SLC24A2: variants seen among roughly 807,000 people sequenced by gnomAD.
SLC24A2 encodes the protein solute carrier family 24 member 2.
In SLC24A2, 36 loss-of-function variants were observed where a neutral mutation model predicts 62.0. The ratio of observed to expected loss-of-function variants is 0.58; its 90% CI spans 0.44 to 0.77. The LOEUF (loss-of-function observed/expected upper bound fraction) is 0.77, where lower values mean the gene tolerates loss of function less well. Among genes scored for constraint, SLC24A2 ranks in the 30% least tolerant of loss-of-function variants. The pLI, the probability that SLC24A2 is intolerant of heterozygous loss-of-function variation, is 0.00. For missense variants in SLC24A2, 846 were observed against 817.9 expected (o/e 1.03, Z -0.42); for synonymous variants, 358 against 294.0 (o/e 1.22, Z -2.23).
chr9:20,027,620 C>A, the SLC24A2 span, among the ~76,000 whole-genome samples: 2 of 151,958 alleles, frequency 1.3e-5, no homozygotes, highest in Admixed American at 1.3e-4. Flanking sequence ...AAGTAGAGAG[C>A]AGAATGGTGG....
chr9:19,601,726 C>G (rs147728952), intron 4 of SLC24A2, among the ~76,000 whole-genome samples: 2 of 152,030 alleles, frequency 1.3e-5, no homozygotes, highest in African/African-American at 2.4e-5. Flanking sequence ...TAGTTTGGAG[C>G]CTTACAGACC....
At chr9:19,721,436 T>C (rs952692679) in intron 2 of SLC24A2, among the ~76,000 whole-genome samples, 1 of 152,108 alleles carries the variant, frequency 6.6e-6, no homozygotes, top group Non-Finnish European at 1.5e-5. Flanking sequence ...ATTTGACTGG[T>C]GCACCAACAA....
chr9:20,225,325 T>A, the SLC24A2 span, among the ~76,000 whole-genome samples: 3 of 151,506 alleles, frequency 2.0e-5, no homozygotes, highest in Admixed American at 6.6e-5. Context: ...ACAGTCTAAA[T>A]GTCTATCAGT....
intron 7 of SLC24A2, among the ~76,000 whole-genome samples, chr9:19,562,984 T>C (rs1482735799): frequency 2.0e-5 from 3 of 152,156 alleles, no homozygotes; most frequent in Non-Finnish European, 2.9e-5. Flanking sequence ...TTTGCACCTG[T>C]AGTCCTAGGT....
chr9:19,680,108 G>A (rs952850594), intron 2 of SLC24A2, among the ~76,000 whole-genome samples: 1 of 148,118 alleles, frequency 6.8e-6, no homozygotes, highest in East Asian at 2.0e-4. Context: ...CCAGCACTGG[G>A]GCTACAAAGA....
intron 2 of SLC24A2, among the ~76,000 whole-genome samples, chr9:19,658,516 A>G (rs1400661514): frequency 1.3e-5 from 2 of 152,212 alleles, no homozygotes; most frequent in South Asian, 2.1e-4. Context: ...TAAAAAGCCT[A>G]TGAGGCAGGC....
At chr9:19,878,029 A>G in the SLC24A2 span, among the ~76,000 whole-genome samples, 1 of 152,340 alleles carries the variant, frequency 6.6e-6, no homozygotes. Flanking sequence ...ACTCATGGCC[A>G]CAAAGGCAGC....
At chr9:20,120,755 G>A in the SLC24A2 span, among the ~76,000 whole-genome samples, 1 of 152,032 alleles carries the variant, frequency 6.6e-6, no homozygotes, top group African/African-American at 2.4e-5. Flanking sequence ...ATCCAAGGTT[G>A]CATAGCTTCT....
chr9:19,869,564 A>C, the SLC24A2 span, among the ~76,000 whole-genome samples: 1 of 152,114 alleles, frequency 6.6e-6, no homozygotes, highest in Admixed American at 6.5e-5. Flanking sequence ...TAAAAATTAT[A>C]ATTTCAAAGT....
At chr9:19,543,315 CTCTTT>C (rs1278382953) in intron 8 of SLC24A2, among the ~76,000 whole-genome samples, 7 of 151,556 alleles carry the variant, frequency 4.6e-5, no homozygotes, top group African/African-American at 1.2e-4. Flanking sequence ...TGATTCTTCT[CTCTTT>C]TCTTTATTAG....
chr9:19,969,542 A>G, the SLC24A2 span, among the ~76,000 whole-genome samples: 3 of 152,266 alleles, frequency 2.0e-5, no homozygotes, highest in Admixed American at 1.3e-4. Context: ...GCTTTTCTGC[A>G]GAGATGTCCA....
chr9:20,076,890 ATG>A, the SLC24A2 span, among the ~76,000 whole-genome samples: 8 of 58,838 alleles, frequency 1.4e-4, no homozygotes, highest in Non-Finnish European at 1.8e-4. Flanking sequence ...TACATATCAT[ATG>A]TGTATATATA....
the SLC24A2 span, among the ~76,000 whole-genome samples, chr9:20,112,943 CA>C: frequency 2.4e-3 from 358 of 152,112 alleles, 2 homozygotes; most frequent in East Asian, 0.021. Context: ...GTGAGAGACA[CA>C]CGGTTAGGGC....
At chr9:19,823,401 TCAG>T in the SLC24A2 span, among the ~76,000 whole-genome samples, 2 of 152,076 alleles carry the variant, frequency 1.3e-5, no homozygotes, top group African/African-American at 4.8e-5. Flanking sequence ...TCTAAATATT[TCAG>T]CTTGTGTTTT....
At chr9:20,289,574 G>T in the SLC24A2 span, among the ~76,000 whole-genome samples, 1 of 152,138 alleles carries the variant, frequency 6.6e-6, no homozygotes, top group African/African-American at 2.4e-5. Flanking sequence ...ACCACTTTGT[G>T]GAATTTTTAT....
chr9:20,257,492 G>C, the SLC24A2 span, among the ~76,000 whole-genome samples: 1 of 112,728 alleles, frequency 8.9e-6, no homozygotes, highest in African/African-American at 3.1e-5. Context: ...AAAAGGCACT[G>C]GTGTTAGGAC....
At chr9:20,049,469 A>G in the SLC24A2 span, among the ~76,000 whole-genome samples, 4 of 152,152 alleles carry the variant, frequency 2.6e-5, no homozygotes, top group Non-Finnish European at 5.9e-5. Context: ...ATAGGAAGCC[A>G]CAGTCACTAT....
rs1054248032 is a variant in SLC24A2 at position 19,632,379 on chromosome 9, C to T, written c.931-10080G>A. On this transcript the variant is annotated intron_variant, in intron 2 of 10. Transcript: ENST00000341998. The surrounding 1 kb of genome is among the most constrained non-coding windows in gnomAD (Gnocchi z 4.5). ...TCTTCATCACATGTTTAATGAGCAT[C>T]TTATATGTGCTACATTTTTCTAGGT... is the stretch of plus-strand genomic sequence containing the variant. Among the ~76,000 whole-genome samples, 1 of 152,180 alleles carries T rather than the reference C, an allele frequency of 6.6e-6. No individual in the cohort carries two copies. The highest frequency in any genetic ancestry group is 1.5e-5 in the Non-Finnish European group (1 of 68,034).
intron 2 of SLC24A2, among the ~76,000 whole-genome samples, chr9:19,640,461 G>T (rs1447395673): frequency 1.3e-5 from 2 of 152,148 alleles, no homozygotes; most frequent in African/African-American, 4.8e-5. Context: ...GACCACAAAA[G>T]CTACACAAGT....
Sources: gnomAD v4.1 joint callset for allele counts (sites outside exome capture counted in the v4.1 genomes callset) on GRCh38, gnomAD v4.1.1 for gene constraint, Gnocchi (gnomAD v3.1) non-coding constraint, MANE v1.5 for transcripts, NCBI Gene and HGNC (gene_info 2026-07-23, HGNC 2026-07-21) for gene names.